Variants in CNTN5 observed in about 807,000 individuals in gnomAD.
The protein encoded by CNTN5 is contactin-5.
In CNTN5, 77 loss-of-function variants were observed where a neutral mutation model predicts 129.1. The ratio of observed to expected loss-of-function variants is 0.60; its 90% CI spans 0.50 to 0.72. The LOEUF (loss-of-function observed/expected upper bound fraction) is 0.72, where lower values mean the gene tolerates loss of function less well. Ranked by LOEUF, CNTN5 falls within the 30% of genes least tolerant of loss-of-function variation. CNTN5 has a pLI of 0.00. For synonymous variants in CNTN5, 509 were observed against 465.6 expected (o/e 1.09, Z -1.20); for missense variants, 1,478 against 1,328.8 (o/e 1.11, Z -1.75).
intron 18 of CNTN5, among the ~76,000 whole-genome samples, chr11:100,288,518 C>T (rs572142214): frequency 2.6e-5 from 4 of 151,990 alleles, no homozygotes; most frequent in Non-Finnish European, 5.9e-5. Flanking sequence ...ACTGGGTACA[C>T]AAAGAAATGA....
chr11:100,046,033 G>A (rs149593351), intron 9 of CNTN5, among the ~76,000 whole-genome samples: 3 of 151,262 alleles, frequency 2.0e-5, no homozygotes, highest in Admixed American at 6.6e-5. Context: ...TGTATACATG[G>A]GCCATGCTGG....
chr11:99,205,694 CTA>C (rs1044369237), intron 1 of CNTN5, among the ~76,000 whole-genome samples: 3 of 151,990 alleles, frequency 2.0e-5, no homozygotes, highest in African/African-American at 4.8e-5. Context: ...AAAAGGGTAA[CTA>C]TGTGAAGTGA....
rs66824133 is a variant in CNTN5, at chr11:100,318,242, G to GAA, written c.2730+9795_2730+9796dup. ...GGCAATAGAGCGAGACTCTGTCTCA[G>GAA]AAAAAAAAAAAAAAAAAAAAAAGTC... On this transcript the variant is annotated intron_variant, in intron 21 of 24. Coordinates refer to ENST00000524871, the MANE Select transcript of CNTN5 (RefSeq NM_014361.4). Among the ~76,000 whole-genome samples, 661 of 76,474 alleles carry GAA rather than the reference G, an allele frequency of 8.6e-3. 19 individuals are homozygous for GAA. Among genetic ancestry groups the GAA allele is most frequent in the East Asian group, 0.022 (78 of 3,582 alleles). 50.2% of individuals were successfully genotyped at this position (76,474 alleles called of 152,430 possible). A position where few individuals can be genotyped will look rare whatever the true frequency, so the allele number is the denominator to read the frequency against.
intron 21 of CNTN5, among the ~76,000 whole-genome samples, chr11:100,310,121 C>T (rs1278989884): frequency 6.6e-6 from 1 of 151,866 alleles, no homozygotes; most frequent in Admixed American, 6.6e-5. Context: ...CACCAAAATC[C>T]CTATCTCAAG....
At chr11:99,442,026 A>T (rs1943852378) in intron 2 of CNTN5, among the ~76,000 whole-genome samples, 2 of 152,100 alleles carry the variant, frequency 1.3e-5, no homozygotes, top group African/African-American at 4.8e-5. Context: ...CTCCTCCAGG[A>T]TGTTTCCCTG....
In CNTN5 at chr11:100,356,287, AAGTGGAGAACC is replaced by A; in HGVS notation, c.*70_*80del. 9.3e-7 allele frequency: 1 copy of A among 1,075,922 alleles called. No individual in the cohort carries two copies. Among genetic ancestry groups the A allele is most frequent in the Middle Eastern group, 2.0e-4 (1 of 5,060 alleles). 66.6% of individuals were successfully genotyped at this position (1,075,922 alleles called of 1,614,324 possible). A position where few individuals can be genotyped will look rare whatever the true frequency, so the allele number is the denominator to read the frequency against. ...AACAGCGGTGAATAGAGTGTAGTGTAAGTGGAGAACCAGGATCCTGAGATGAGCTTGAGCTT... is the reference window on the plus strand; with the variant it reads ...AACAGCGGTGAATAGAGTGTAGTGTAAGGATCCTGAGATGAGCTTGAGCTT... On this transcript the variant is annotated 3_prime_UTR_variant, in exon 25 of 25. Transcript: ENST00000524871.
At chr11:100,157,964 T>C (rs933412870) in intron 13 of CNTN5, among the ~76,000 whole-genome samples, 4 of 151,580 alleles carry the variant, frequency 2.6e-5, no homozygotes, top group Admixed American at 1.3e-4. Context: ...TTTTTAAACA[T>C]GATATTGGAG....
chr11:100,002,168 AT>A (rs1211321095), intron 9 of CNTN5, 32 bp downstream of exon 9: 2 of 1,321,422 alleles, frequency 1.5e-6, no homozygotes, highest in Non-Finnish European at 1.0e-6. Context: ...ATTAAACACA[AT>A]TTTTTATTAA....
At chr11:99,303,365 A>C (rs1361752353) in intron 1 of CNTN5, among the ~76,000 whole-genome samples, 1 of 151,788 alleles carries the variant, frequency 6.6e-6, no homozygotes, top group Non-Finnish European at 1.5e-5. Context: ...CTAAACTTAG[A>C]ACACATGATT....
intron 8 of CNTN5, among the ~76,000 whole-genome samples, chr11:99,970,982 T>A: frequency 6.6e-6 from 1 of 152,188 alleles, no homozygotes; most frequent in East Asian, 1.9e-4. Flanking sequence ...AGAATGCAAA[T>A]GATTTGCCAA....
intron 6 of CNTN5, among the ~76,000 whole-genome samples, chr11:99,867,222 A>G (rs1452624351): frequency 6.6e-6 from 1 of 152,132 alleles, no homozygotes; most frequent in Non-Finnish European, 1.5e-5. Context: ...CCCACCCTTC[A>G]TATTGTTTTC....
intron 10 of CNTN5, among the ~76,000 whole-genome samples, chr11:100,068,901 G>A (rs530858225): frequency 6.6e-6 from 1 of 152,138 alleles, no homozygotes; most frequent in Non-Finnish European, 1.5e-5. Context: ...GTGACCTTGG[G>A]TAAATTTCTT....
At chr11:99,821,236 A>G (rs1363645182) in intron 4 of CNTN5, among the ~76,000 whole-genome samples, 1 of 152,158 alleles carries the variant, frequency 6.6e-6, no homozygotes, top group Non-Finnish European at 1.5e-5. Flanking sequence ...CTCTTGTATC[A>G]AATGGAAGTT....
chr11:99,964,719 GTT>G (rs766349331), intron 8 of CNTN5, among the ~76,000 whole-genome samples: 2 of 152,264 alleles, frequency 1.3e-5, no homozygotes, highest in Non-Finnish European at 2.9e-5. Context: ...GATTGGAATA[GTT>G]TCAGAAGGCA....
At chr11:100,204,836 C>G (rs928684108) in intron 15 of CNTN5, among the ~76,000 whole-genome samples, 2 of 151,820 alleles carry the variant, frequency 1.3e-5, no homozygotes, top group African/African-American at 4.8e-5. Flanking sequence ...GTTTTATAAG[C>G]ATTGCATTAT....
intron 1 of CNTN5, among the ~76,000 whole-genome samples, chr11:99,267,902 G>T (rs1386212629): frequency 7.4e-6 from 1 of 135,046 alleles, no homozygotes; most frequent in Non-Finnish European, 1.5e-5. Flanking sequence ...TCTCTATCAA[G>T]TAAACACACA....
At chr11:99,987,032 T>G (rs1237326416) in intron 8 of CNTN5, among the ~76,000 whole-genome samples, 6 of 152,124 alleles carry the variant, frequency 3.9e-5, no homozygotes, top group Non-Finnish European at 8.8e-5. Context: ...AAATATAGAT[T>G]TTTTCATAAT....
At chr11:99,653,228 C>T (rs951455872) in intron 3 of CNTN5, among the ~76,000 whole-genome samples, 4 of 151,892 alleles carry the variant, frequency 2.6e-5, no homozygotes, top group Non-Finnish European at 5.9e-5. Context: ...TGGATTTGTA[C>T]TACTAAACTG....
chr11:100,190,514 C>A (rs1267822911), intron 13 of CNTN5, among the ~76,000 whole-genome samples: 2 of 152,042 alleles, frequency 1.3e-5, no homozygotes, highest in Non-Finnish European at 2.9e-5. Context: ...AAGTGAAGGT[C>A]CAGTTTTAAC....
Sources: allele counts gnomAD v4.1 joint callset (sites outside exome capture counted in the v4.1 genomes callset), GRCh38; gene constraint gnomAD v4.1.1; transcripts MANE v1.5; gene names NCBI Gene and HGNC (gene_info 2026-07-23, HGNC 2026-07-21).